Variants in TMEM132D observed in about 807,000 individuals in gnomAD.
TMEM132D encodes transmembrane protein 132D.
A neutral mutation model predicts 62.3 loss-of-function variants in TMEM132D; 21 were observed. The ratio of observed to expected loss-of-function variants is 0.34; its 90% CI spans 0.24 to 0.49. TMEM132D has a LOEUF of 0.49. Among genes scored for constraint, TMEM132D ranks in the 20% least tolerant of loss-of-function variants. The pLI is 0.99. For missense variants in TMEM132D, 1,346 were observed against 1,402.8 expected (o/e 0.96, Z 0.65); for synonymous variants, 621 against 575.6 (o/e 1.08, Z -1.13).
chr12:129,803,359 C>A (rs2137309328), intron 1 of TMEM132D, among the ~76,000 whole-genome samples: 1 of 152,038 alleles, frequency 6.6e-6, no homozygotes, highest in South Asian at 2.1e-4. Context: ...ACAGTGCAAT[C>A]AAACTAGATC....
At chr12:129,645,899 T>C (rs991591315) in intron 2 of TMEM132D, among the ~76,000 whole-genome samples, 2 of 152,158 alleles carry the variant, frequency 1.3e-5, no homozygotes, top group African/African-American at 4.8e-5. Context: ...TTCCCCTATA[T>C]GTTCTAAAAG....
At chr12:129,483,678 G>A (rs557590452) in intron 3 of TMEM132D, among the ~76,000 whole-genome samples, 34 of 152,288 alleles carry the variant, frequency 2.2e-4, no homozygotes, top group African/African-American at 7.0e-4. Context: ...AGGCTGAAAC[G>A]AAACGTGTGG....
chr12:129,302,790 G>T (rs542029128), intron 4 of TMEM132D, among the ~76,000 whole-genome samples: 1 of 152,210 alleles, frequency 6.6e-6, no homozygotes, highest in Non-Finnish European at 1.5e-5. Flanking sequence ...TGCACACAGC[G>T]AAGCTCGAGC....
intron 2 of TMEM132D, among the ~76,000 whole-genome samples, chr12:129,592,730 AAAAC>A (rs746469758): frequency 1.2e-4 from 19 of 152,338 alleles, no homozygotes; most frequent in African/African-American, 4.3e-4. Context: ...AGTAAGATGC[AAAAC>A]AAACAGTGTG....
chr12:129,603,531 C>A (rs1311208548), intron 2 of TMEM132D, among the ~76,000 whole-genome samples: 3 of 152,094 alleles, frequency 2.0e-5, no homozygotes, highest in African/African-American at 7.2e-5. Flanking sequence ...GACTTCTCAA[C>A]AGAAGACATT....
At chr12:129,703,326 T>A (rs926415106) in intron 1 of TMEM132D, among the ~76,000 whole-genome samples, 1 of 152,230 alleles carries the variant, frequency 6.6e-6, no homozygotes, top group African/African-American at 2.4e-5. Context: ...TCGGGGTCAC[T>A]GTGAACATCA....
chr12:129,170,773 C>A (rs7136907), intron 5 of TMEM132D, among the ~76,000 whole-genome samples: 85,760 of 151,338 alleles, frequency 0.57, 25,669 homozygotes, highest in Non-Finnish European at 0.67. Flanking sequence ...GCACCACTGC[C>A]CTCCAGCCTG....
At chr12:129,761,480 C>G (rs1233207602) in intron 1 of TMEM132D, among the ~76,000 whole-genome samples, 5 of 152,172 alleles carry the variant, frequency 3.3e-5, no homozygotes, top group Admixed American at 3.3e-4. Flanking sequence ...TTCCCATCCT[C>G]CCAGGCCTCT....
chr12:129,873,320 G>A (rs1874316266), intron 1 of TMEM132D, among the ~76,000 whole-genome samples: 1 of 152,180 alleles, frequency 6.6e-6, no homozygotes, highest in Admixed American at 6.5e-5. Context: ...GAAAGGAAGA[G>A]TGTGTGCCAA....
chr12:129,355,225 A>T (rs1385267469), intron 3 of TMEM132D, among the ~76,000 whole-genome samples: 1 of 152,226 alleles, frequency 6.6e-6, no homozygotes, highest in African/African-American at 2.4e-5. Flanking sequence ...GACCTCTGAG[A>T]GTAAGAACTA....
intron 1 of TMEM132D, among the ~76,000 whole-genome samples, chr12:129,710,870 A>G (rs1003556985): frequency 5.7e-5 from 8 of 140,080 alleles, no homozygotes; most frequent in African/African-American, 2.4e-4. Flanking sequence ...CCTCTCCCAT[A>G]CCCACGCGCA....
intron 1 of TMEM132D, among the ~76,000 whole-genome samples, chr12:129,883,521 T>C (rs1874666706): frequency 6.6e-6 from 1 of 152,372 alleles, no homozygotes; most frequent in African/African-American, 2.4e-5. Flanking sequence ...TTTTTGTTTT[T>C]ATTTGCTTTA....
At chr12:129,127,310 C>T (rs1405133409) in intron 5 of TMEM132D, among the ~76,000 whole-genome samples, 1 of 152,172 alleles carries the variant, frequency 6.6e-6, no homozygotes, top group Non-Finnish European at 1.5e-5. Flanking sequence ...ACATTTGATA[C>T]CTCTTTGTGA....
intron 3 of TMEM132D, among the ~76,000 whole-genome samples, chr12:129,402,312 CTTTG>C (rs1871647209): frequency 6.6e-6 from 1 of 152,126 alleles, no homozygotes; most frequent in Admixed American, 6.5e-5. Context: ...AGAAACAAAC[CTTTG>C]TTTGAGCCTG....
rs1422873975 is a variant in TMEM132D at position 129,230,307 on chromosome 12, A to G, written c.1300-20644T>C. On this transcript the variant is annotated intron_variant, in intron 4 of 8. Transcript: ENST00000422113. ...CCTTCCTAAACTCCTTCTGTGTTGG[A>G]GGGGGGGGGCTCCCCAGCCTGGCCA... is the stretch of plus-strand genomic sequence containing the variant. 5.0e-4 allele frequency among the ~76,000 whole-genome samples: 71 copies of G among 140,630 alleles called. 2 individuals are homozygous for G. Among genetic ancestry groups the G allele is most frequent in the Admixed American group, 1.6e-3 (23 of 14,194 alleles). 92.3% of individuals were successfully genotyped at this position (140,630 alleles called of 152,430 possible).
In TMEM132D at chr12:129,414,132, C is replaced by T. The variant is rs909233806; in HGVS notation, c.1116-76315G>A. ...GAATCTCTCCGCATAAAGTGGGCGG[C>T]TGTGTTATTCTTTCTCTCAACACCA... On this transcript the variant is annotated intron_variant, in intron 3 of 8. Transcript: ENST00000422113. Among the ~76,000 whole-genome samples, 9 of 152,324 alleles carry T rather than the reference C, an allele frequency of 5.9e-5. No homozygotes were observed. In the South Asian group the frequency reaches 1.0e-3, roughly 18 times the overall value.
At chr12:129,653,383 G>C (rs1204913592) in intron 2 of TMEM132D, among the ~76,000 whole-genome samples, 2 of 152,158 alleles carry the variant, frequency 1.3e-5, no homozygotes, top group Admixed American at 1.3e-4. Context: ...TATGGGGCCC[G>C]TGAACAATGA....
At chr12:129,430,490 T>G (rs1294073822) in intron 3 of TMEM132D, among the ~76,000 whole-genome samples, 1 of 152,112 alleles carries the variant, frequency 6.6e-6, no homozygotes, top group Non-Finnish European at 1.5e-5. Context: ...TTGTTTTTCT[T>G]ATTTTTTGTA....
chr12:129,259,780 C>T (rs1230933964), intron 4 of TMEM132D, among the ~76,000 whole-genome samples: 1 of 152,088 alleles, frequency 6.6e-6, no homozygotes, highest in African/African-American at 2.4e-5. Flanking sequence ...CTTGAAAAGT[C>T]ACATTATTTA....
Sources: allele counts gnomAD v4.1 joint callset (sites outside exome capture counted in the v4.1 genomes callset), GRCh38; gene constraint gnomAD v4.1.1; transcripts MANE v1.5; gene names NCBI Gene and HGNC (gene_info 2026-07-23, HGNC 2026-07-21).